GLIS3: variants seen among roughly 807,000 people sequenced by gnomAD.
GLIS3 encodes GLIS family zinc finger 3.
Under a neutral mutation model 78.6 loss-of-function variants are expected in GLIS3, and 53 were observed. The ratio of observed to expected loss-of-function variants is 0.67; its 90% CI spans 0.54 to 0.85. GLIS3 has a LOEUF of 0.85. Ranked by LOEUF, GLIS3 falls within the 40% of genes least tolerant of loss-of-function variation. The probability of loss-of-function intolerance (pLI) is 0.00; values close to 1 mark genes in which losing one functional copy is unlikely to be tolerated. For synonymous variants in GLIS3, 684 were observed against 509.9 expected (o/e 1.34, Z -4.60); for missense variants, 1,703 against 1,231.1 (o/e 1.38, Z -5.74).
chr9:4,215,040 T>C (rs531510136), intron 2 of GLIS3, among the ~76,000 whole-genome samples: 1 of 152,166 alleles, frequency 6.6e-6, no homozygotes, highest in Non-Finnish European at 1.5e-5. Flanking sequence ...ACAAAAACGA[T>C]GGCTCTACCC....
chr9:3,869,266 GGTGTGT>G (rs58818313), intron 8 of GLIS3, among the ~76,000 whole-genome samples: 71 of 151,258 alleles, frequency 4.7e-4, no homozygotes, highest in Middle Eastern at 3.4e-3. Context: ...AATTATCTAG[GGTGTGT>G]GTGTGTGTGT....
intron 7 of GLIS3, among the ~76,000 whole-genome samples, chr9:3,895,945 G>A (rs1822798959): frequency 2.0e-5 from 3 of 152,176 alleles, no homozygotes; most frequent in Admixed American, 1.3e-4. Context: ...GCACTTAAAG[G>A]TAGAAGTGCC....
the GLIS3 span, among the ~76,000 whole-genome samples, chr9:4,373,592 T>G: frequency 6.6e-6 from 1 of 151,988 alleles, no homozygotes; most frequent in Admixed American, 6.5e-5. Context: ...GTTATCCTTT[T>G]GGGAGCTAAA....
At chr9:4,475,715 G>A in the GLIS3 span, among the ~76,000 whole-genome samples, 2 of 152,170 alleles carry the variant, frequency 1.3e-5, no homozygotes, top group Non-Finnish European at 2.9e-5. Context: ...GGGCTTGTAA[G>A]CTGCCATTTT....
chr9:4,078,069 C>CTATGGA (rs1828230020), intron 4 of GLIS3, among the ~76,000 whole-genome samples: 1 of 152,108 alleles, frequency 6.6e-6, no homozygotes, highest in Non-Finnish European at 1.5e-5. Context: ...TCATTGGACC[C>CTATGGA]TGAATGATAT....
intron 4 of GLIS3, among the ~76,000 whole-genome samples, chr9:4,100,805 C>G (rs1015444202): frequency 2.0e-5 from 3 of 152,172 alleles, no homozygotes; most frequent in Non-Finnish European, 4.4e-5. Flanking sequence ...TATGTTATCC[C>G]TCTACGGTTT....
chr9:4,385,073 G>T, the GLIS3 span, among the ~76,000 whole-genome samples: 1 of 152,172 alleles, frequency 6.6e-6, no homozygotes, highest in African/African-American at 2.4e-5. Flanking sequence ...ATTTTGAAGT[G>T]TGTTTTGAAT....
At chr9:4,162,915 C>T (rs377100425) in intron 2 of GLIS3, among the ~76,000 whole-genome samples, 1 of 138,850 alleles carries the variant, frequency 7.2e-6, no homozygotes, top group African/African-American at 2.5e-5. Context: ...TGCAAAAATA[C>T]CTACACAGCC....
chr9:3,989,966 C>T (rs1377421168), intron 4 of GLIS3, among the ~76,000 whole-genome samples: 4 of 152,108 alleles, frequency 2.6e-5, no homozygotes, highest in South Asian at 2.1e-4. Flanking sequence ...CAGAGTTTTG[C>T]AAAATACTAA....
At chr9:4,388,139 G>A in the GLIS3 span, among the ~76,000 whole-genome samples, 3,549 of 152,234 alleles carry the variant, frequency 0.023, 77 homozygotes, top group Non-Finnish European at 0.032. Flanking sequence ...TTATCCATGC[G>A]TAAGACTGGC....
intron 2 of GLIS3, among the ~76,000 whole-genome samples, chr9:4,320,959 G>C (rs1187712290): frequency 1.3e-5 from 2 of 151,918 alleles, no homozygotes; most frequent in Non-Finnish European, 2.9e-5. Flanking sequence ...GGCTCCCACA[G>C]CTCTCGAGAT....
At chr9:4,337,492 T>C (rs1454711126) in intron 2 of GLIS3, among the ~76,000 whole-genome samples, 1 of 152,236 alleles carries the variant, frequency 6.6e-6, no homozygotes, top group East Asian at 1.9e-4. Context: ...GGCAATATTT[T>C]GCAATGATTC....
intron 2 of GLIS3, among the ~76,000 whole-genome samples, chr9:4,338,204 G>A (rs4401919): frequency 0.99 from 150,090 of 152,304 alleles, 73,988 homozygotes; most frequent in Middle Eastern, 1. Context: ...AGATTTTGCT[G>A]CTGCTATGTG....
the GLIS3 span, among the ~76,000 whole-genome samples, chr9:4,446,049 A>T: frequency 2.0e-5 from 3 of 152,336 alleles, no homozygotes; most frequent in South Asian, 6.2e-4. Flanking sequence ...TTCAATTTTC[A>T]AGATAATGGT....
chr9:4,333,348 G>T (rs1471862423), intron 2 of GLIS3, among the ~76,000 whole-genome samples: 1 of 151,348 alleles, frequency 6.6e-6, no homozygotes, highest in African/African-American at 2.4e-5. Context: ...AAAGAAAAAA[G>T]GGAAGGAAGG....
intron 7 of GLIS3, among the ~76,000 whole-genome samples, chr9:3,882,159 C>A (rs1022339313): frequency 6.6e-6 from 1 of 152,134 alleles, no homozygotes; most frequent in South Asian, 2.1e-4. Context: ...ATCCTCGGTG[C>A]CTGGTATCTC....
chr9:4,209,821 C>A (rs55751807), intron 2 of GLIS3, among the ~76,000 whole-genome samples: 1 of 149,766 alleles, frequency 6.7e-6, no homozygotes, highest in Non-Finnish European at 1.5e-5. Flanking sequence ...TCCCGCCCCC[C>A]CCCAGTTGTG....
At chr9:3,962,948 G>GC (rs1251852144) in intron 4 of GLIS3, among the ~76,000 whole-genome samples, 6 of 57,786 alleles carry the variant, frequency 1.0e-4, no homozygotes, top group African/African-American at 5.4e-4. Context: ...GTGATTTAAG[G>GC]GGGGGGGGGG....
intron 2 of GLIS3, among the ~76,000 whole-genome samples, chr9:4,253,952 T>C (rs533201221): frequency 1.6e-3 from 241 of 152,194 alleles, no homozygotes; most frequent in Non-Finnish European, 2.7e-3. Context: ...GTCTAACCAG[T>C]CCCAATGACA....
Sources: gnomAD v4.1 joint callset for allele counts (sites outside exome capture counted in the v4.1 genomes callset) on GRCh38, gnomAD v4.1.1 for gene constraint, MANE v1.5 for transcripts, NCBI Gene and HGNC (gene_info 2026-07-23, HGNC 2026-07-21) for gene names.